FILIP1L: variants seen among roughly 807,000 people sequenced by gnomAD.
FILIP1L encodes the protein filamin A-interacting protein 1-like.
A neutral mutation model predicts 96.6 loss-of-function variants in FILIP1L; 55 were observed. The observed-to-expected ratio is 0.57, with a 90% CI of 0.46 to 0.71. FILIP1L has a LOEUF of 0.71. FILIP1L is among the 30% of genes least tolerant of loss of function. The pLI, the probability that FILIP1L is intolerant of heterozygous loss-of-function variation, is 0.00. For synonymous variants in FILIP1L, 467 were observed against 473.9 expected, an observed-to-expected ratio of 0.99 and a Z score of 0.19; for missense variants, 1,304 against 1,321.2, an observed-to-expected ratio of 0.99 and a Z score of 0.20.
intron 4 of FILIP1L, among the ~76,000 whole-genome samples, chr3:99,905,617 T>G (rs1706589956): frequency 6.6e-6 from 1 of 152,242 alleles, no homozygotes. Context: ...TACATATGTG[T>G]GTACTATATA....
intron 1 of FILIP1L, among the ~76,000 whole-genome samples, chr3:100,065,107 T>C (rs2065641535): frequency 6.6e-6 from 1 of 152,092 alleles, no homozygotes; most frequent in Non-Finnish European, 1.5e-5. Flanking sequence ...TATAAGACAG[T>C]ATGGAATGTA....
At chr3:99,927,133 C>G (rs1409897780) in intron 3 of FILIP1L, among the ~76,000 whole-genome samples, 1 of 152,224 alleles carries the variant, frequency 6.6e-6, no homozygotes, top group East Asian at 1.9e-4. Context: ...TGCTTCAAGA[C>G]TGCTTTTTTC....
chr3:100,074,798 A>T lies in FILIP1L; in HGVS notation c.-11+39255T>A, dbSNP rs1013462931. Among the ~76,000 whole-genome samples, 3 of 142,446 alleles carry T rather than the reference A, an allele frequency of 2.1e-5. No individual in the cohort carries two copies. In the Admixed American group the frequency reaches 2.3e-4, roughly 11 times the overall value. 93.5% of individuals were successfully genotyped at this position (142,446 alleles called of 152,430 possible). A position where few individuals can be genotyped will look rare whatever the true frequency, so the allele number is the denominator to read the frequency against. ...AACCTCTGCCTACTGGGTTCAAGCG[A>T]TTCTCTTACCTCAGCTTCCAGAGTA... On this transcript the variant is annotated intron_variant, in intron 1 of 5. Coordinates refer to ENST00000477258, the MANE Select transcript of FILIP1L (RefSeq NM_001387850.1).
At chr3:100,081,374 A>G (rs758529870) in intron 1 of FILIP1L, among the ~76,000 whole-genome samples, 8 of 152,202 alleles carry the variant, frequency 5.3e-5, no homozygotes. Flanking sequence ...GCTTTTGGAA[A>G]CCCAGCAGGA....
intron 4 of FILIP1L, among the ~76,000 whole-genome samples, chr3:99,853,608 G>A (rs1359416536): frequency 6.6e-6 from 1 of 152,110 alleles, no homozygotes; most frequent in South Asian, 2.1e-4. Flanking sequence ...TTTCAGCCTG[G>A]GGCATGTTGC....
intron 1 of FILIP1L, among the ~76,000 whole-genome samples, chr3:100,042,640 T>A (rs896602739): frequency 6.6e-6 from 1 of 152,222 alleles, no homozygotes; most frequent in South Asian, 2.1e-4. Flanking sequence ...CAGATGATAC[T>A]GTATTTACTG....
At position 99,849,752 on chromosome 3, in the gene FILIP1L, T is replaced by C. The variant is rs757389027; in HGVS notation, c.1924A>G (p.Met642Val). 1 of 1,613,868 alleles carries C rather than the reference T, an allele frequency of 6.2e-7. No homozygotes were observed. Among genetic ancestry groups the C allele is most frequent in the Non-Finnish European group, 8.5e-7 (1 of 1,180,022 alleles). ...VERLKLKLKD[M>V]KAIEDDLMKT... The stretch of plus-strand genomic sequence containing the variant: ...ATGAGGTCATCCTCAATGGCTTTCA[T>C]GTCCTTTAGCTTCAGTTTCAGTCTT... Residue 642 changes from methionine (M) to valine (V), a missense_variant, in exon 5 of 6, where the codon ATG becomes GTG. By Grantham distance (21) the Met-to-Val change is conservative. Coordinates refer to ENST00000477258, the MANE Select transcript of FILIP1L (RefSeq NM_001387850.1).
chr3:99,900,869 G>A (rs562580406), intron 4 of FILIP1L, among the ~76,000 whole-genome samples: 1 of 152,202 alleles, frequency 6.6e-6, no homozygotes, highest in Admixed American at 6.5e-5. Flanking sequence ...GTAGCAAAGT[G>A]TTAGAAGCAC....
chr3:99,983,465 T>TATATATATATATATATAC (rs1709221123), intron 1 of FILIP1L, among the ~76,000 whole-genome samples: 1 of 5,312 alleles, frequency 1.9e-4, no homozygotes, highest in Non-Finnish European at 4.0e-4. Flanking sequence ...TATATGTGTG[T>TATATATATATATATATAC]ATATATATAT....
intron 1 of FILIP1L, among the ~76,000 whole-genome samples, chr3:99,938,072 T>C (rs1375877857): frequency 1.1e-4 from 16 of 142,606 alleles, no homozygotes; most frequent in African/African-American, 4.0e-4. Flanking sequence ...TGTGTGTGTG[T>C]GTGCGCGCGC....
At chr3:100,077,919 G>C (rs1328083425) in intron 1 of FILIP1L, among the ~76,000 whole-genome samples, 3 of 152,052 alleles carry the variant, frequency 2.0e-5, no homozygotes, top group East Asian at 3.9e-4. Flanking sequence ...AAAAAAATAA[G>C]AATAATAAGG....
chr3:99,858,853 T>C (rs917895704), intron 4 of FILIP1L, among the ~76,000 whole-genome samples: 18 of 152,232 alleles, frequency 1.2e-4, no homozygotes, highest in Admixed American at 1.0e-3. Flanking sequence ...AATTTGTCTT[T>C]CTCTGGAAAA....
rs1197837296 is a variant in FILIP1L, at chr3:99,991,903, T to TAC, written c.-10-60874_-10-60873insGT. Among the ~76,000 whole-genome samples, 4 of 149,816 alleles carry TAC rather than the reference T, an allele frequency of 2.7e-5. No individual in the cohort carries two copies. The East Asian group carries it at 7.8e-4, about 29-fold the overall frequency. The stretch of plus-strand genomic sequence containing the variant: ...ATATATGTATATATGTGTGTATATA[T>TAC]ATACATATATAGGTATATATACACA... On this transcript the variant is annotated intron_variant, in intron 1 of 5. Coordinates refer to ENST00000477258, the MANE Select transcript of FILIP1L (RefSeq NM_001387850.1).
intron 1 of FILIP1L, among the ~76,000 whole-genome samples, chr3:100,082,250 G>T (rs774631239): frequency 2.3e-4 from 35 of 152,282 alleles, no homozygotes; most frequent in Non-Finnish European, 2.9e-4. Flanking sequence ...AATAGAATCT[G>T]TTTAACATAC....
intron 4 of FILIP1L, among the ~76,000 whole-genome samples, chr3:99,852,382 A>G (rs1025491497): frequency 8.5e-5 from 13 of 152,206 alleles, no homozygotes; most frequent in African/African-American, 3.1e-4. Flanking sequence ...CATGTCTATC[A>G]TCCTTATCAC....
At chr3:99,881,579 T>C (rs1297124269) in intron 4 of FILIP1L, among the ~76,000 whole-genome samples, 1 of 152,002 alleles carries the variant, frequency 6.6e-6, no homozygotes, top group Non-Finnish European at 1.5e-5. Flanking sequence ...GTTGCCCAGA[T>C]TGGAGTGCAG....
intron 1 of FILIP1L, among the ~76,000 whole-genome samples, chr3:100,007,435 G>A (rs1022884608): frequency 1.3e-5 from 2 of 152,068 alleles, no homozygotes; most frequent in Non-Finnish European, 2.9e-5. Context: ...AACCTTGCTT[G>A]TATATCTCCC....
intron 4 of FILIP1L, among the ~76,000 whole-genome samples, chr3:99,872,936 AAGG>A (rs760939148): frequency 7.9e-5 from 12 of 152,058 alleles, no homozygotes; most frequent in Non-Finnish European, 1.2e-4. Flanking sequence ...TTTTTAAAAA[AAGG>A]AGGGATGTGC....
chr3:99,839,545 C>G (rs1283581144), intron 5 of FILIP1L, among the ~76,000 whole-genome samples: 3 of 152,112 alleles, frequency 2.0e-5, no homozygotes, highest in African/African-American at 7.2e-5. Flanking sequence ...TGCTGAAAAC[C>G]AATTCCCTTC....
Sources: allele counts gnomAD v4.1 joint callset (sites outside exome capture counted in the v4.1 genomes callset), GRCh38; gene constraint gnomAD v4.1.1; transcripts MANE v1.5; gene names NCBI Gene and HGNC (gene_info 2026-07-23, HGNC 2026-07-21).